SOHLH2: variants seen among roughly 807,000 people sequenced by gnomAD.
SOHLH2 encodes the protein spermatogenesis and oogenesis specific basic helix-loop-helix 2.
Under a neutral mutation model 50.4 loss-of-function variants are expected in SOHLH2, and 22 were observed. The observed-to-expected ratio is 0.44, with a 90% CI of 0.31 to 0.62. SOHLH2 has a LOEUF of 0.62. Among genes scored for constraint, SOHLH2 ranks in the 20% least tolerant of loss-of-function variants. SOHLH2 has a pLI of 0.08. For synonymous variants in SOHLH2, 185 were observed against 187.3 expected, an observed-to-expected ratio of 0.99 and a Z score of 0.10; for missense variants, 412 against 504.4, an observed-to-expected ratio of 0.82 and a Z score of 1.76.
rs1455149524 is a variant in SOHLH2 at position 36,169,157 on chromosome 13, T to C, written c.1258-103A>G. 7.0e-6 allele frequency: 10 copies of C among 1,431,452 alleles called. No individual in the cohort carries two copies. In the Admixed American group the frequency reaches 1.3e-4, roughly 19 times the overall value. The allele number at this position is 1,431,452 out of a possible 1,614,324, so 88.7% of individuals were successfully genotyped here. On this transcript the variant is annotated intron_variant, in intron 10 of 10. Coordinates refer to ENST00000379881, the MANE Select transcript of SOHLH2 (RefSeq NM_017826.3). ...ATATCCTAAAACAATCTGAAATGAT[T>C]TGCAAAACTATGTTAAATCCTCAGG...
At chr13:36,180,789 CGGTA>C (rs1417029120) in intron 6 of SOHLH2, among the ~76,000 whole-genome samples, 2 of 152,018 alleles carry the variant, frequency 1.3e-5, no homozygotes, top group Non-Finnish European at 2.9e-5. Context: ...ATATCCCCAC[CGGTA>C]TGCAGTCTAT....
intron 4 of SOHLH2, 58 bp from the exon 5 acceptor site, chr13:36,191,952 A>C (rs1887587101): frequency 1.9e-6 from 3 of 1,574,008 alleles, no homozygotes; most frequent in South Asian, 2.2e-5. Context: ...AGATGACGCT[A>C]ATCAAACACA....
chr13:36,190,724 A>G (rs1284474126), intron 5 of SOHLH2, among the ~76,000 whole-genome samples: 1 of 152,202 alleles, frequency 6.6e-6, no homozygotes, highest in Admixed American at 6.5e-5. Context: ...ATGTAGTCAT[A>G]AAAACTTTTT....
intron 8 of SOHLH2, 104 bp from the exon 9 acceptor site, chr13:36,173,914 T>C (rs1887031741): frequency 7.7e-7 from 1 of 1,300,702 alleles, no homozygotes; most frequent in African/African-American, 1.5e-5. Flanking sequence ...AAAACACTGA[T>C]AAAGCCTCAA....
intron 1 of SOHLH2, among the ~76,000 whole-genome samples, chr13:36,203,729 C>T (rs1451073996): frequency 2.0e-5 from 3 of 152,018 alleles, no homozygotes; most frequent in Non-Finnish European, 4.4e-5. Context: ...AAAATCTTAT[C>T]CTTTTTATTG....
In SOHLH2 at chr13:36,170,693, G is replaced by C; in HGVS notation, c.1095C>G (p.Val365=). 1 of 1,614,158 alleles carries C rather than the reference G, an allele frequency of 6.2e-7. No homozygotes were observed. The highest frequency in any genetic ancestry group is 1.1e-5 in the South Asian group (1 of 91,076). ...AAGGGGTGACTTTAGAATAATATCT[G>C]ACAGTATGCAAGGAATTCAGAGACA... is the stretch of plus-strand genomic sequence containing the variant. ...AALSLNSLHT[V]RYYSKVTPSY... The change falls in exon 10 of 11, where the codon GTC becomes GTG. Residue 365 remains valine, a synonymous_variant. Coordinates refer to ENST00000379881, the MANE Select transcript of SOHLH2 (RefSeq NM_017826.3).
At chr13:36,177,068 C>A (rs1045279607) in intron 6 of SOHLH2, among the ~76,000 whole-genome samples, 4 of 152,054 alleles carry the variant, frequency 2.6e-5, no homozygotes, top group Non-Finnish European at 5.9e-5. Context: ...TCTTCCCAGT[C>A]AATACCATCC....
At chr13:36,203,715 G>A in intron 1 of SOHLH2, among the ~76,000 whole-genome samples, 1 of 152,008 alleles carries the variant, frequency 6.6e-6, no homozygotes, top group East Asian at 1.9e-4. Context: ...TGTATTGTGA[G>A]CAAAAAATCT....
chr13:36,184,205 G>C (rs1231474282), intron 6 of SOHLH2, among the ~76,000 whole-genome samples: 1 of 151,986 alleles, frequency 6.6e-6, no homozygotes, highest in African/African-American at 2.4e-5. Flanking sequence ...TACCTAGAAA[G>C]TCTCCAAACA....
chr13:36,206,908 T>C (rs1220055377), intron 1 of SOHLH2, among the ~76,000 whole-genome samples: 4 of 151,546 alleles, frequency 2.6e-5, no homozygotes, highest in Non-Finnish European at 5.9e-5. Context: ...AATCTATGTT[T>C]ACATAGTATG....
intron 6 of SOHLH2, among the ~76,000 whole-genome samples, chr13:36,184,608 T>C (rs370602245): frequency 9.6e-4 from 146 of 151,916 alleles, no homozygotes; most frequent in East Asian, 7.2e-3. Context: ...TACAGGCGCC[T>C]GCCACCACAC....
At chr13:36,187,358 C>G (rs1044153842) in intron 6 of SOHLH2, among the ~76,000 whole-genome samples, 20 of 151,894 alleles carry the variant, frequency 1.3e-4, no homozygotes, top group African/African-American at 4.9e-4. Context: ...CTAATATCAA[C>G]ATTATTTTAA....
chr13:36,176,565 C>T (rs1163507555), intron 6 of SOHLH2, among the ~76,000 whole-genome samples: 4 of 151,900 alleles, frequency 2.6e-5, no homozygotes, highest in Non-Finnish European at 5.9e-5. Flanking sequence ...GGATGGGACC[C>T]AAGGTTTAAT....
At position 36,203,413 on chromosome 13, in the gene SOHLH2, G is replaced by A. The variant is rs142162806; in HGVS notation, c.49-1320C>T. Among the ~76,000 whole-genome samples, 110 of 152,240 alleles carry A rather than the reference G, an allele frequency of 7.2e-4. 1 individual carries two copies. The Middle Eastern group carries it at 0.017, about 24-fold the overall frequency. Reference sequence around the variant, plus strand: ...GGATCAGGGGTAAATGTGCTCATCTGTCATCTTGATCCAGTCTTCCTTATT... The same window carrying A: ...GGATCAGGGGTAAATGTGCTCATCTATCATCTTGATCCAGTCTTCCTTATT... On this transcript the variant is annotated intron_variant, in intron 1 of 10. Transcript: ENST00000379881.
chr13:36,169,143 CA>C (rs1886895461), intron 10 of SOHLH2, 89 bp from the exon 11 acceptor site: 5 of 1,471,094 alleles, frequency 3.4e-6, no homozygotes, highest in Non-Finnish European at 4.5e-6. Flanking sequence ...TATCCTAAAA[CA>C]ATCTGAAATG....
At chr13:36,188,780 G>A (rs1887496077) in intron 6 of SOHLH2, among the ~76,000 whole-genome samples, 1 of 152,064 alleles carries the variant, frequency 6.6e-6, no homozygotes, top group South Asian at 2.1e-4. Flanking sequence ...ATCTTTCTAA[G>A]GTTCTTTTCT....
At chr13:36,169,539 C>G (rs961157777) in intron 10 of SOHLH2, among the ~76,000 whole-genome samples, 1 of 152,190 alleles carries the variant, frequency 6.6e-6, no homozygotes, top group African/African-American at 2.4e-5. Flanking sequence ...TAAGATCATG[C>G]ACATTAAGTA....
At position 36,173,648 on chromosome 13, in the gene SOHLH2, G is replaced by A. The variant is rs750801788; in HGVS notation, c.1000+44C>T. ...AGGAGCCTGGGGGTTTGCAGGGCAG[G>A]GCAGGTCCCCCTCTAAGTGGCACAG... is the stretch of plus-strand genomic sequence containing the variant. On this transcript the variant is annotated intron_variant, in intron 9 of 10. Coordinates refer to ENST00000379881, the MANE Select transcript of SOHLH2 (RefSeq NM_017826.3). 2.4e-5 allele frequency: 38 copies of A among 1,608,990 alleles called. 1 individual carries two copies. The highest frequency in any genetic ancestry group is 3.2e-5 in the Non-Finnish European group (38 of 1,177,650).
At chr13:36,212,807 A>G (rs1474066993) in intron 1 of SOHLH2, among the ~76,000 whole-genome samples, 1 of 152,228 alleles carries the variant, frequency 6.6e-6, no homozygotes, top group Non-Finnish European at 1.5e-5. Flanking sequence ...ATAACACGAC[A>G]TCATTGTCAC....
Sources: gnomAD v4.1 joint callset for allele counts (sites outside exome capture counted in the v4.1 genomes callset) on GRCh38, gnomAD v4.1.1 for gene constraint, MANE v1.5 for transcripts, NCBI Gene and HGNC (gene_info 2026-07-23, HGNC 2026-07-21) for gene names.